PCDHGA5: variants seen among roughly 807,000 people sequenced by gnomAD.
The protein encoded by PCDHGA5 is protocadherin gamma-A5.
Under a neutral mutation model 56.7 loss-of-function variants are expected in PCDHGA5, and 36 were observed. The ratio of observed to expected loss-of-function variants is 0.64; its 90% confidence interval spans 0.49 to 0.84. PCDHGA5 has a LOEUF of 0.84. Among genes scored for constraint, PCDHGA5 ranks in the 40% least tolerant of loss-of-function variants. PCDHGA5 has a pLI of 0.00. For synonymous variants in PCDHGA5, 563 were observed against 520.2 expected (o/e 1.08, Z -1.12); for missense variants, 1,305 against 1,201.5 (o/e 1.09, Z -1.27).
chr5:141,422,508 C>T (rs2096653251), intron 1 of PCDHGA5: 1 of 1,613,984 alleles, frequency 6.2e-7, no homozygotes, highest in Non-Finnish European at 8.5e-7. Flanking sequence ...CAGCCACAGA[C>T]CAGGGAAGCC....
At chr5:141,502,951 C>G (rs1444086718) in intron 2 of PCDHGA5, among the ~76,000 whole-genome samples, 1 of 147,768 alleles carries the variant, frequency 6.8e-6, no homozygotes, top group African/African-American at 2.6e-5. Context: ...TCAAGCGATT[C>G]TCCTGCCTCA....
Position 141,431,205 on chromosome 5 carries a change from A to T in PCDHGA5, c.2422-63602A>T, listed in dbSNP as rs1438031040. ...AAAATTAGTGAAAATGCAGCCACTG[A>T]GATGCGGTTCCCTCTACCCCACGCC... On this transcript the variant is annotated intron_variant, in intron 1 of 3. Transcript: ENST00000518069. This position sits in a 1 kb window ranked among gnomAD's most constrained non-coding sequence, Gnocchi z 4.8. 1.1e-5 allele frequency: 18 copies of T among 1,614,092 alleles called. No homozygotes were observed. Among genetic ancestry groups the T allele is most frequent in the Non-Finnish European group, 1.5e-5 (18 of 1,180,056 alleles).
chr5:141,460,556 T>C (rs762545295), intron 1 of PCDHGA5, among the ~76,000 whole-genome samples: 10 of 152,152 alleles, frequency 6.6e-5, no homozygotes, highest in Admixed American at 3.3e-4. Context: ...CAAAAATCAT[T>C]TGGCCATGGA....
Position 141,487,494 on chromosome 5 carries a change from C to A in PCDHGA5, c.2422-7313C>A, listed in dbSNP as rs116370895. On this transcript the variant is annotated intron_variant, in intron 1 of 3. Transcript: ENST00000518069. The surrounding 1 kb of genome is among the most constrained non-coding windows in gnomAD (Gnocchi z 5.0). The stretch of plus-strand genomic sequence containing the variant: ...GGAGGCCACTCTCATGGCTGTACAC[C>A]CTTGGCTTCTGCACCCACTCGGAGT... 1,421 of 1,614,120 alleles carry A rather than the reference C, an allele frequency of 8.8e-4. 3 individuals are homozygous for A. Among genetic ancestry groups the A allele is most frequent in the Non-Finnish European group, 1.2e-3 (1,358 of 1,180,034 alleles).
rs1264759473 is a variant in PCDHGA5 at position 141,486,183 on chromosome 5, G to A, written c.2422-8624G>A. On this transcript the variant is annotated intron_variant, in intron 1 of 3. Transcript: ENST00000518069. The surrounding 1 kb of genome is among the most constrained non-coding windows in gnomAD (Gnocchi z 5.0). The stretch of plus-strand genomic sequence containing the variant: ...GCCATGGAGCAACATTGCAGCCTTC[G>A]AGTGGATCTGCTGGACGTAAATGAC... 3 of 1,614,154 alleles carry A rather than the reference G, an allele frequency of 1.9e-6. No homozygotes were observed. The highest frequency in any genetic ancestry group is 1.1e-5 in the South Asian group (1 of 91,082).
intron 1 of PCDHGA5, chr5:141,441,802 T>C (rs2098274220): frequency 2.6e-6 from 1 of 382,538 alleles, no homozygotes; most frequent in South Asian, 2.1e-5. Flanking sequence ...GCACCGCGGG[T>C]GCTGTACCCC....
chr5:141,501,374 T>A (rs2099808767), intron 2 of PCDHGA5, among the ~76,000 whole-genome samples: 1 of 151,106 alleles, frequency 6.6e-6, no homozygotes. Context: ...CATCATCTCT[T>A]AAATCCTAGG....
chr5:141,400,321 G>A lies in PCDHGA5; in HGVS notation c.2421+33570G>A, dbSNP rs190006023. On this transcript the variant is annotated intron_variant, in intron 1 of 3. Coordinates refer to ENST00000518069, the MANE Select transcript of PCDHGA5 (RefSeq NM_018918.3). ...CCAACCTGGTCTCTGTGTCAAGTCTGGACCTGTGGTTCCCCCCAACTACAG... is the reference window on the plus strand; with the variant it reads ...CCAACCTGGTCTCTGTGTCAAGTCTAGACCTGTGGTTCCCCCCAACTACAG... The A allele has an allele frequency of 9.3e-6, 15 of 1,614,064 alleles. No homozygotes were observed. In the Admixed American group the frequency reaches 2.5e-4, roughly 27 times the overall value.
intron 3 of PCDHGA5, among the ~76,000 whole-genome samples, chr5:141,506,441 T>C (rs1940889203): frequency 9.8e-6 from 1 of 101,930 alleles, no homozygotes; most frequent in South Asian, 3.0e-4. Flanking sequence ...TCTCGCTCTG[T>C]CTCAAAAAAA....
intron 1 of PCDHGA5, chr5:141,468,696 C>G (rs1483766202): frequency 6.6e-6 from 1 of 151,386 alleles, no homozygotes; most frequent in East Asian, 2.0e-4. Context: ...GAAACCCCGT[C>G]TCTACTAAAA....
chr5:141,372,048 G>C (rs1331862731), intron 1 of PCDHGA5: 1 of 1,613,392 alleles, frequency 6.2e-7, no homozygotes, highest in African/African-American at 1.3e-5. Flanking sequence ...GCGCGTGTTG[G>C]TGGACGACCG....
rs756915110 is a variant in PCDHGA5, at chr5:141,490,431, T to C, written c.2422-4376T>C. 6 of 1,614,036 alleles carry C rather than the reference T, an allele frequency of 3.7e-6. No individual in the cohort carries two copies. In the South Asian group the frequency reaches 6.6e-5, roughly 18 times the overall value. ...TCTCTCCGGACCTGCCATTTCAGATTAAGCCTTCTGAGAACCACTACTCGC... is the reference window on the plus strand; with the variant it reads ...TCTCTCCGGACCTGCCATTTCAGATCAAGCCTTCTGAGAACCACTACTCGC... On this transcript the variant is annotated intron_variant, in intron 1 of 3. Transcript: ENST00000518069. The surrounding 1 kb of genome is among the most constrained non-coding windows in gnomAD (Gnocchi z 5.4).
At chr5:141,371,869 T>C (rs1159672282) in intron 1 of PCDHGA5, 2 of 1,613,426 alleles carry the variant, frequency 1.2e-6, no homozygotes, top group African/African-American at 1.3e-5. Flanking sequence ...TACTACATCG[T>C]GGCCAGTGAC....
chr5:141,389,147 G>A (rs530113846), intron 1 of PCDHGA5: 2 of 1,613,986 alleles, frequency 1.2e-6, no homozygotes, highest in South Asian at 1.1e-5. Flanking sequence ...TAACCGTTAC[G>A]GCAACAGATC....
chr5:141,432,539 G>A lies in PCDHGA5; in HGVS notation c.2422-62268G>A. 2.5e-6 allele frequency: 4 copies of A among 1,614,038 alleles called. No individual in the cohort carries two copies. Among genetic ancestry groups the A allele is most frequent in the Non-Finnish European group, 3.4e-6 (4 of 1,180,022 alleles). ...CTACCTGGTGACCAAGGTGGTGGCG[G>A]TGGACAGAGACTCCGGCCAGAACGC... On this transcript the variant is annotated intron_variant, in intron 1 of 3. Transcript: ENST00000518069. The surrounding 1 kb of genome is among the most constrained non-coding windows in gnomAD (Gnocchi z 6.0).
rs561329093 is a variant in PCDHGA5 at position 141,509,163 on chromosome 5, C to A, written c.2570-1784C>A. Among the ~76,000 whole-genome samples the A allele has an allele frequency of 1.4e-4, 21 of 152,322 alleles. No individual in the cohort carries two copies. In the South Asian group the frequency reaches 4.1e-3, roughly 30 times the overall value. On this transcript the variant is annotated intron_variant, in intron 3 of 3. Coordinates refer to ENST00000518069, the MANE Select transcript of PCDHGA5 (RefSeq NM_018918.3). ...CATCCCGGCTCTCCCCTCCCGTGTG[C>A]CCTCCTCCTCTTATGCCGGCTTGAA...
In PCDHGA5 at chr5:141,512,739, T is replaced by C. The variant is rs1251649814; in HGVS notation, c.*1566T>C. The stretch of plus-strand genomic sequence containing the variant: ...GGCGGGTGGGCAGCGGGCGGCGGGC[T>C]CCGCGCAGCCGTCTGTCCTTGATCT... On this transcript the variant is annotated 3_prime_UTR_variant, in exon 4 of 4. Transcript: ENST00000518069. 1 of 152,822 alleles carries C rather than the reference T, an allele frequency of 6.5e-6. No individual in the cohort carries two copies. The highest frequency in any genetic ancestry group is 2.4e-5 in the African/African-American group (1 of 41,464). 9.5% of individuals were successfully genotyped at this position (152,822 alleles called of 1,614,324 possible).
In PCDHGA5 at chr5:141,490,291, C is replaced by T; in HGVS notation, c.2422-4516C>T. 6.2e-7 allele frequency: 1 copy of T among 1,614,212 alleles called. No homozygotes were observed. Among genetic ancestry groups the T allele is most frequent in the Non-Finnish European group, 8.5e-7 (1 of 1,180,048 alleles). On this transcript the variant is annotated intron_variant, in intron 1 of 3. Transcript: ENST00000518069. The surrounding 1 kb of genome is among the most constrained non-coding windows in gnomAD (Gnocchi z 5.4). ...TGTCAATGACAATGCCCCAGAGGTG[C>T]TATTGGCCTCTTTGGCCAACCCTGT...
intron 1 of PCDHGA5, among the ~76,000 whole-genome samples, chr5:141,445,720 G>T (rs2098475440): frequency 6.6e-6 from 1 of 152,158 alleles, no homozygotes; most frequent in Non-Finnish European, 1.5e-5. Flanking sequence ...AGAGGAAATA[G>T]CATGTGTAAA....
Sources: gnomAD v4.1 joint callset for allele counts (sites outside exome capture counted in the v4.1 genomes callset) on GRCh38, gnomAD v4.1.1 for gene constraint, Gnocchi (gnomAD v3.1) non-coding constraint, MANE v1.5 for transcripts, NCBI Gene and HGNC (gene_info 2026-07-23, HGNC 2026-07-21) for gene names.